SLCO3A1: variants seen among roughly 807,000 people sequenced by gnomAD.
SLCO3A1 encodes solute carrier organic anion transporter family member 3A1.
A neutral mutation model predicts 63.1 loss-of-function variants in SLCO3A1; 27 were observed. The ratio of observed to expected loss-of-function variants is 0.43; its 90% CI spans 0.32 to 0.59. The LOEUF is 0.59. SLCO3A1 is among the 20% of genes least tolerant of loss of function. The probability of loss-of-function intolerance (pLI) is 0.09; values close to 1 mark genes in which losing one functional copy is unlikely to be tolerated. For missense variants in SLCO3A1, 773 were observed against 945.8 expected (o/e 0.82, Z 2.40); for synonymous variants, 473 against 409.9 (o/e 1.15, Z -1.86).
At position 92,165,520 on chromosome 15, in the gene SLCO3A1, T is replaced by C; in HGVS notation, c.*2385T>C. 1.0e-6 allele frequency: 1 copy of C among 983,794 alleles called. No homozygotes were observed. The highest frequency in any genetic ancestry group is 1.2e-6 in the Non-Finnish European group (1 of 828,698). The allele number at this position is 983,794 out of a possible 1,614,324, so 60.9% of individuals were successfully genotyped here. A position where few individuals can be genotyped will look rare whatever the true frequency, so the allele number is the denominator to read the frequency against. On this transcript the variant is annotated 3_prime_UTR_variant, in exon 10 of 10. Coordinates refer to ENST00000318445, the MANE Select transcript of SLCO3A1 (RefSeq NM_013272.4). ...GCTTTGAGAGAAAAAAAAAAGAAAG[T>C]TTTTTAAACTCTTTGCATTTTGGAT...
rs769610559 is a variant in SLCO3A1 at position 91,863,618 on chromosome 15, G to A, written c.180+9530G>A. Among the ~76,000 whole-genome samples the A allele has an allele frequency of 2.6e-5, 4 of 152,218 alleles. No homozygotes were observed. Among genetic ancestry groups the A allele is most frequent in the Admixed American group, 6.5e-5 (1 of 15,284 alleles). ...GCGTGGGGTGCACAGCACACCACACGGTCAAGTTCAGCTTTCCAACCTCCT... is the reference window on the plus strand; with the variant it reads ...GCGTGGGGTGCACAGCACACCACACAGTCAAGTTCAGCTTTCCAACCTCCT... On this transcript the variant is annotated intron_variant, in intron 1 of 9. Transcript: ENST00000318445. The surrounding 1 kb of genome is among the most constrained non-coding windows in gnomAD (Gnocchi z 4.3).
intron 2 of SLCO3A1, among the ~76,000 whole-genome samples, chr15:92,062,626 A>G (rs544412079): frequency 2.0e-5 from 3 of 152,118 alleles, no homozygotes; most frequent in Non-Finnish European, 4.4e-5. Flanking sequence ...CTAATTGTGG[A>G]CTTTCAGACA....
chr15:92,166,441 G>C (rs922637109), downstream of SLCO3A1, among the ~76,000 whole-genome samples: 50 of 152,228 alleles, frequency 3.3e-4, no homozygotes, highest in African/African-American at 1.1e-3. Context: ...CTCACCATCT[G>C]ATCATGGAAT....
intron 2 of SLCO3A1, among the ~76,000 whole-genome samples, chr15:91,961,612 C>G (rs1366628114): frequency 2.0e-5 from 3 of 152,204 alleles, no homozygotes; most frequent in Admixed American, 2.0e-4. Context: ...ACCTCAGGGC[C>G]TTTGCACTTG....
chr15:92,110,693 A>G (rs887233775), intron 4 of SLCO3A1, among the ~76,000 whole-genome samples: 1 of 150,350 alleles, frequency 6.7e-6, no homozygotes, highest in African/African-American at 2.4e-5. Context: ...TCCTTTATTC[A>G]CTTACTCTGT....
chr15:92,081,263 A>G (rs78691077), intron 2 of SLCO3A1, among the ~76,000 whole-genome samples: 9,203 of 151,586 alleles, frequency 0.061, 694 homozygotes, highest in East Asian at 0.27. Flanking sequence ...TCTGGTAACC[A>G]TCATTCTACT....
At chr15:92,051,882 A>G (rs1184041104) in intron 2 of SLCO3A1, among the ~76,000 whole-genome samples, 1 of 152,188 alleles carries the variant, frequency 6.6e-6, no homozygotes, top group East Asian at 1.9e-4. Context: ...TTGTAATTCT[A>G]CAGCAATGAG....
chr15:91,970,510 G>A (rs570290918), intron 2 of SLCO3A1, among the ~76,000 whole-genome samples: 8 of 152,300 alleles, frequency 5.3e-5, no homozygotes, highest in South Asian at 2.1e-4. Flanking sequence ...GTCTGTGAGC[G>A]TTTGCTGAGC....
chr15:91,889,033 C>CA (rs35188337), intron 1 of SLCO3A1: 30,708 of 500,516 alleles, frequency 0.061, 44 homozygotes, highest in Non-Finnish European at 0.066. Context: ...AAAGAAAAAC[C>CA]AAAAAAAAAA....
chr15:91,941,695 T>G lies in SLCO3A1; in HGVS notation c.646+25237T>G, dbSNP rs1212520383. The G allele has an allele frequency of 2.7e-6, 1 of 376,444 alleles. No individual in the cohort carries two copies. Among genetic ancestry groups the G allele is most frequent in the Non-Finnish European group, 5.2e-6 (1 of 193,016 alleles). The allele number at this position is 376,444 out of a possible 1,614,324, so 23.3% of individuals were successfully genotyped here. ...CTCTTTGTCTTTAAAAAAATTATTT[T>G]TCCTCCTTTTTAATTTTTATGTTTA... On this transcript the variant is annotated intron_variant, in intron 2 of 9. Transcript: ENST00000318445. This position sits in a 1 kb window ranked among gnomAD's most constrained non-coding sequence, Gnocchi z 4.4.
At chr15:92,061,885 A>G (rs963344) in intron 2 of SLCO3A1, among the ~76,000 whole-genome samples, 26,802 of 152,246 alleles carry the variant, frequency 0.18, 2,657 homozygotes, top group African/African-American at 0.28. Context: ...GTTTAGCTAC[A>G]TGGTCATGTC....
chr15:91,946,180 C>T (rs1479754192), intron 2 of SLCO3A1, among the ~76,000 whole-genome samples: 1 of 152,178 alleles, frequency 6.6e-6, no homozygotes, highest in East Asian at 1.9e-4. Context: ...TCTTGTAATG[C>T]AAGTGCTGAG....
At chr15:92,167,852 T>C (rs1203836048), downstream of SLCO3A1, among the ~76,000 whole-genome samples, 1 of 152,218 alleles carries the variant, frequency 6.6e-6, no homozygotes, top group Non-Finnish European at 1.5e-5. Flanking sequence ...AAAGCAAAGA[T>C]GGCCCTGTCC....
At position 91,863,800 on chromosome 15, in the gene SLCO3A1, T is replaced by C. The variant is rs991630390; in HGVS notation, c.180+9712T>C. Among the ~76,000 whole-genome samples, 3 of 152,210 alleles carry C rather than the reference T, an allele frequency of 2.0e-5. No homozygotes were observed. Among genetic ancestry groups the C allele is most frequent in the Non-Finnish European group, 2.9e-5 (2 of 68,038 alleles). On this transcript the variant is annotated intron_variant, in intron 1 of 9. Transcript: ENST00000318445. This position sits in a 1 kb window ranked among gnomAD's most constrained non-coding sequence, Gnocchi z 4.3. ...AACTGAGGGCAAGACTCCTGACTTATTGTGTGGCATGTCGTGTCGCCTCCC... is the reference window on the plus strand; with the variant it reads ...AACTGAGGGCAAGACTCCTGACTTACTGTGTGGCATGTCGTGTCGCCTCCC...
At chr15:92,094,799 A>C in intron 2 of SLCO3A1, 82 bp from the exon 3 acceptor site, 1 of 870,314 alleles carries the variant, frequency 1.1e-6, no homozygotes, top group Non-Finnish European at 1.9e-6. Context: ...ATCAATGTAA[A>C]ATAATCTCCT....
chr15:92,034,599 G>T (rs1006902329), intron 2 of SLCO3A1, among the ~76,000 whole-genome samples: 1 of 151,778 alleles, frequency 6.6e-6, no homozygotes, highest in Non-Finnish European at 1.5e-5. Flanking sequence ...AGCATCCAGG[G>T]TGGGCAGGAC....
At position 92,048,525 on chromosome 15, in the gene SLCO3A1, T is replaced by G. The variant is rs76254176; in HGVS notation, c.647-46356T>G. ...GTGACCTGTGTAGAATGTTTAGCAG[T>G]GTCCCTGGCCTCTACTCACTGGATT... is the stretch of plus-strand genomic sequence containing the variant. On this transcript the variant is annotated intron_variant, in intron 2 of 9. Transcript: ENST00000318445. 4.1e-3 allele frequency among the ~76,000 whole-genome samples: 621 copies of G among 152,302 alleles called. 3 individuals are homozygous for G. Among genetic ancestry groups the G allele is most frequent in the Middle Eastern group, 0.01 (3 of 294 alleles).
At position 92,164,228 on chromosome 15, in the gene SLCO3A1, G is replaced by A; in HGVS notation, c.*1093G>A. On this transcript the variant is annotated 3_prime_UTR_variant, in exon 10 of 10. Coordinates refer to ENST00000318445, the MANE Select transcript of SLCO3A1 (RefSeq NM_013272.4). ...TGCACCAAAAATATGTGATACAAGG[G>A]ATGCAATTAACCTATTGTAATTTTC... 2 of 984,540 alleles carry A rather than the reference G, an allele frequency of 2.0e-6. No homozygotes were observed. Among genetic ancestry groups the A allele is most frequent in the South Asian group, 4.7e-5 (1 of 21,268 alleles). The allele number at this position is 984,540 out of a possible 1,614,324, so 61.0% of individuals were successfully genotyped here.
intron 8 of SLCO3A1, 94 bp downstream of exon 8, chr15:92,147,253 C>G (rs779971396): frequency 7.6e-7 from 1 of 1,312,238 alleles, no homozygotes; most frequent in South Asian, 1.4e-5. Flanking sequence ...ACAGGAATCT[C>G]TCGAACCAGG....
Sources: gnomAD v4.1 joint callset for allele counts (sites outside exome capture counted in the v4.1 genomes callset) on GRCh38, gnomAD v4.1.1 for gene constraint, Gnocchi (gnomAD v3.1) non-coding constraint, MANE v1.5 for transcripts, NCBI Gene and HGNC (gene_info 2026-07-23, HGNC 2026-07-21) for gene names.